CLCN5: variants seen among roughly 807,000 people sequenced by gnomAD.
The protein encoded by CLCN5 is Cl-/H+ antiporter 5, also known as H(+)/Cl(-) exchange transporter 5.
A neutral mutation model predicts 54.0 loss-of-function variants in CLCN5; 17 were observed. The observed-to-expected ratio is 0.31, with a 90% CI of 0.22 to 0.47. CLCN5 has a LOEUF of 0.47. CLCN5 is among the 20% of genes least tolerant of loss of function. The pLI is 1.00. For missense variants in CLCN5, 448 were observed against 646.7 expected, an observed-to-expected ratio of 0.69 and a Z score of 3.33; for synonymous variants, 222 against 233.0, an observed-to-expected ratio of 0.95 and a Z score of 0.43.
chrX:50,086,428 G>A lies in CLCN5; in HGVS notation c.1115G>A (p.Arg372His), dbSNP rs1254229398. 5.8e-6 allele frequency: 7 copies of A among 1,210,933 alleles called. No individual in the cohort carries two copies. The highest frequency in any genetic ancestry group is 2.3e-4 in the Middle Eastern group (1 of 4,353). The change falls in exon 11 of 15, where the codon CGC becomes CAC. Residue 372 changes from arginine (R) to histidine (H), a missense_variant. Arg to His is a conservative substitution (Grantham distance 29, BLOSUM62 0). This residue lies in a region of CLCN5 where 297 missense variants were observed against 470.4 expected (regional missense o/e 0.63). Transcript: ENST00000376091. ...TCCATCAATCCATTTGGGAACAGCC[G>A]CCTGGTACTATTTTATGTGGAGTTT... ...LRSINPFGNS[R>H]LVLFYVEFHT...
intron 4 of CLCN5, among the ~76,000 whole-genome samples, chrX:50,059,288 A>G (rs960237819): frequency 8.9e-6 from 1 of 111,770 alleles, no homozygotes; most frequent in African/African-American, 3.2e-5. Flanking sequence ...CTTATTCTAA[A>G]AATATGATGA....
intron 4 of CLCN5, among the ~76,000 whole-genome samples, chrX:50,065,722 T>C (rs1265209348): frequency 9.4e-6 from 1 of 106,402 alleles, no homozygotes; most frequent in Non-Finnish European, 1.9e-5. Context: ...CGTATGTTCA[T>C]TGCGGCATTA....
intron 3 of CLCN5, among the ~76,000 whole-genome samples, chrX:50,026,945 T>C (rs12008926): frequency 0.073 from 8,114 of 111,436 alleles, 751 homozygotes; most frequent in African/African-American, 0.25. Context: ...GTTTGGTATC[T>C]GTCATTAATT....
At chrX:50,051,040 ATT>A (rs1179327252) in intron 4 of CLCN5, among the ~76,000 whole-genome samples, 1 of 110,706 alleles carries the variant, frequency 9.0e-6, no homozygotes, top group African/African-American at 3.3e-5. Flanking sequence ...TAACTTATTA[ATT>A]TTTTTTCTTT....
intron 4 of CLCN5, among the ~76,000 whole-genome samples, chrX:50,062,218 G>C (rs1932866465): frequency 1.2e-5 from 1 of 80,111 alleles, no homozygotes; most frequent in African/African-American, 5.2e-5. Context: ...CTGGCAAGTT[G>C]GATAAAGAGT....
At chrX:49,929,882 C>T (rs2147252430) in intron 3 of CLCN5, among the ~76,000 whole-genome samples, 1 of 104,803 alleles carries the variant, frequency 9.5e-6, no homozygotes, top group African/African-American at 3.6e-5. Context: ...TGCATAATAT[C>T]AAAGGTAGAA....
chrX:49,924,971 T>A (rs782704011), intron 2 of CLCN5, among the ~76,000 whole-genome samples, 200 bp from the exon 3 acceptor site: 2 of 112,390 alleles, frequency 1.8e-5, no homozygotes, highest in Non-Finnish European at 3.8e-5. Context: ...CATGCAGAAA[T>A]GTATAGCACT....
At chrX:49,984,070 G>A (rs1339758220) in intron 3 of CLCN5, among the ~76,000 whole-genome samples, 1 of 111,188 alleles carries the variant, frequency 9.0e-6, no homozygotes, top group African/African-American at 3.3e-5. Flanking sequence ...TACTTCTAAT[G>A]TGTCTCTCTT....
At chrX:50,075,119 C>G (rs1557191937) in intron 6 of CLCN5, among the ~76,000 whole-genome samples, 2 of 111,652 alleles carry the variant, frequency 1.8e-5, no homozygotes, top group African/African-American at 6.5e-5. Flanking sequence ...GTCCTAGGTT[C>G]AGGAGGCCTC....
intron 3 of CLCN5, chrX:50,003,151 C>T: frequency 2.6e-6 from 1 of 385,083 alleles, no homozygotes; most frequent in African/African-American, 2.5e-5. Context: ...GACCTCCCGA[C>T]TTGCTTTCTC....
At chrX:49,948,111 C>G (rs781783305) in intron 3 of CLCN5, among the ~76,000 whole-genome samples, 1 of 109,061 alleles carries the variant, frequency 9.2e-6, no homozygotes, top group African/African-American at 3.3e-5. Context: ...TACCTTTTTT[C>G]TCTTTATACT....
At chrX:50,051,687 T>C (rs1480527594) in intron 4 of CLCN5, among the ~76,000 whole-genome samples, 1 of 112,019 alleles carries the variant, frequency 8.9e-6, no homozygotes, top group Non-Finnish European at 1.9e-5. Context: ...CTTTAATCAG[T>C]ATTTTGTAGT....
intron 3 of CLCN5, among the ~76,000 whole-genome samples, chrX:49,949,558 T>C (rs975653667): frequency 8.9e-6 from 1 of 112,216 alleles, no homozygotes; most frequent in East Asian, 2.8e-4. Flanking sequence ...ATTTGACTAT[T>C]AAAGTAAATT....
At chrX:50,003,183 G>A (rs782387816) in intron 3 of CLCN5, 5 of 383,688 alleles carry the variant, frequency 1.3e-5, no homozygotes, top group Non-Finnish European at 2.1e-5. Context: ...TTGAGTGTAG[G>A]ACCGTTGGCA....
At chrX:49,924,468 A>T (rs1037752907) in intron 2 of CLCN5, among the ~76,000 whole-genome samples, 1 of 112,270 alleles carries the variant, frequency 8.9e-6, no homozygotes, top group East Asian at 2.8e-4. Context: ...AACTCCTTTA[A>T]TATCTTTGCA....
rs1193168352 is a variant in CLCN5, at chrX:50,021,127, C to T, written c.17-21189C>T. Among the ~76,000 whole-genome samples the T allele has an allele frequency of 2.0e-4, 18 of 88,334 alleles. No individual in the cohort carries two copies. In the East Asian group the frequency reaches 4.9e-3, roughly 24 times the overall value. The allele number at this position is 88,334 out of a possible 115,157, so 76.7% of individuals were successfully genotyped here. A position where few individuals can be genotyped will look rare whatever the true frequency, so the allele number is the denominator to read the frequency against. ...TACCCATGAGCATGGAATGTTCTTC[C>T]ATTTGTTTGTATCCTCTTTTCTTTC... On this transcript the variant is annotated intron_variant, in intron 3 of 14. Transcript: ENST00000376091.
intron 6 of CLCN5, among the ~76,000 whole-genome samples, chrX:50,075,455 G>A (rs1298843854): frequency 1.8e-5 from 2 of 110,995 alleles, no homozygotes; most frequent in African/African-American, 3.3e-5. Flanking sequence ...TTATGGATCA[G>A]TATTCATAAA....
chrX:50,022,271 T>C (rs1412773304), intron 3 of CLCN5, among the ~76,000 whole-genome samples: 5 of 26,258 alleles, frequency 1.9e-4, no homozygotes, highest in African/African-American at 1.1e-3. Flanking sequence ...CGTAGAGGTG[T>C]TTGTAGTATT....
intron 9 of CLCN5, chrX:50,085,568 A>G (rs1292931783): frequency 4.4e-6 from 1 of 227,687 alleles, no homozygotes; most frequent in Non-Finnish European, 8.0e-6. Flanking sequence ...ATGTCATTAG[A>G]GCCTTCTTGA....
Sources: allele counts gnomAD v4.1 joint callset (sites outside exome capture counted in the v4.1 genomes callset), GRCh38; gene constraint gnomAD v4.1.1; regional missense constraint gnomAD v4.1.1; transcripts MANE v1.5; gene names NCBI Gene and HGNC (gene_info 2026-07-23, HGNC 2026-07-21).